HPSE2: variants seen among roughly 807,000 people sequenced by gnomAD.
The protein encoded by HPSE2 is inactive heparanase-2.
HPSE2 carries 38 observed loss-of-function variants against 60.5 expected under a neutral mutation model. The ratio of observed to expected loss-of-function variants is 0.63; its 90% CI spans 0.48 to 0.82. HPSE2 has a LOEUF of 0.82. HPSE2 is among the 40% of genes least tolerant of loss of function. HPSE2 has a pLI of 0.00. For missense variants in HPSE2, 713 were observed against 740.4 expected (o/e 0.96, Z 0.43); for synonymous variants, 295 against 293.2 (o/e 1.01, Z -0.06).
intron 9 of HPSE2, among the ~76,000 whole-genome samples, chr10:98,493,846 G>A (rs928042149): frequency 6.6e-6 from 1 of 152,100 alleles, no homozygotes; most frequent in Non-Finnish European, 1.5e-5. Context: ...CTATGTTACA[G>A]CTTTTTTGTA....
chr10:99,159,577 GT>G (rs1564855347), intron 2 of HPSE2, among the ~76,000 whole-genome samples: 2 of 152,102 alleles, frequency 1.3e-5, no homozygotes, highest in African/African-American at 4.8e-5. Context: ...ACTTCTGCAA[GT>G]TTTTGTAAGT....
At chr10:99,271,639 A>G in the HPSE2 span, among the ~76,000 whole-genome samples, 1 of 152,200 alleles carries the variant, frequency 6.6e-6, no homozygotes, top group Non-Finnish European at 1.5e-5. Flanking sequence ...GAACTAGAGA[A>G]AACAAACCTA....
At chr10:99,117,605 A>G (rs1460485115) in intron 3 of HPSE2, among the ~76,000 whole-genome samples, 3 of 152,096 alleles carry the variant, frequency 2.0e-5, no homozygotes, top group Admixed American at 6.5e-5. Context: ...CACATAAACT[A>G]GAAAATACAG....
chr10:99,174,662 G>GT (rs1471743201), intron 2 of HPSE2, among the ~76,000 whole-genome samples: 2 of 152,160 alleles, frequency 1.3e-5, no homozygotes, highest in Non-Finnish European at 2.9e-5. Context: ...AGGATGCATT[G>GT]TATCCACCTA....
the HPSE2 span, among the ~76,000 whole-genome samples, chr10:99,300,803 G>C: frequency 6.6e-6 from 1 of 152,146 alleles, no homozygotes; most frequent in Non-Finnish European, 1.5e-5. Context: ...CCCCAGTTGA[G>C]GTTGTTTTAA....
chr10:98,822,708 A>G (rs1951451950), intron 3 of HPSE2, among the ~76,000 whole-genome samples: 1 of 152,214 alleles, frequency 6.6e-6, no homozygotes, highest in South Asian at 2.1e-4. Context: ...CAAAAATGAT[A>G]AAAGTAACAA....
chr10:99,077,913 G>A (rs998835592), intron 3 of HPSE2, among the ~76,000 whole-genome samples: 1 of 152,128 alleles, frequency 6.6e-6, no homozygotes, highest in African/African-American at 2.4e-5. Context: ...TCATGGAGGT[G>A]GATCCCTCAC....
chr10:98,708,450 C>T lies in HPSE2; in HGVS notation c.956+13207G>A, dbSNP rs543934762. On this transcript the variant is annotated intron_variant, in intron 5 of 11. Coordinates refer to ENST00000370552, the MANE Select transcript of HPSE2 (RefSeq NM_021828.5). ...CAGCCTGGGCGACAGAGTGAGACTA[C>T]GTCTCAAAAAAAAAAAAAAAAATTC... Among the ~76,000 whole-genome samples the T allele has an allele frequency of 6.2e-4, 60 of 96,156 alleles. 2 individuals are homozygous for T. In the South Asian group the frequency reaches 0.027, roughly 43 times the overall value. The allele number at this position is 96,156 out of a possible 152,430, so 63.1% of individuals were successfully genotyped here. A position where few individuals can be genotyped will look rare whatever the true frequency, so the allele number is the denominator to read the frequency against.
intron 6 of HPSE2, among the ~76,000 whole-genome samples, chr10:98,662,140 G>A (rs1014691328): frequency 1.3e-5 from 2 of 152,106 alleles, no homozygotes; most frequent in Non-Finnish European, 2.9e-5. Flanking sequence ...TGATCTGCCC[G>A]CCTCGGCTTC....
chr10:98,503,281 G>T (rs993746366), intron 9 of HPSE2, among the ~76,000 whole-genome samples: 7 of 151,082 alleles, frequency 4.6e-5, no homozygotes, highest in Non-Finnish European at 7.4e-5. Context: ...CATAACTAAT[G>T]ATCAGGGAAA....
rs946454369 is a variant in HPSE2, at chr10:99,079,896, A to C, written c.610+64342T>G. Among the ~76,000 whole-genome samples the C allele has an allele frequency of 3.3e-5, 5 of 152,106 alleles. No individual in the cohort carries two copies. The East Asian group carries it at 7.7e-4, about 24-fold the overall frequency. On this transcript the variant is annotated intron_variant, in intron 3 of 11. Transcript: ENST00000370552. Reference sequence around the variant, plus strand: ...TATAGCAGTCTTCTCAGAAGTCCCCAAAAAAGTTGGAGTATTAGATACGTG... The same window carrying C: ...TATAGCAGTCTTCTCAGAAGTCCCCCAAAAAGTTGGAGTATTAGATACGTG...
At chr10:98,811,823 A>G (rs1951175009) in intron 3 of HPSE2, among the ~76,000 whole-genome samples, 1 of 152,106 alleles carries the variant, frequency 6.6e-6, no homozygotes. Flanking sequence ...AAATATCTCC[A>G]TTTATTCAGG....
intron 5 of HPSE2, among the ~76,000 whole-genome samples, chr10:98,715,042 A>G (rs1050898561): frequency 1.3e-5 from 2 of 151,788 alleles, no homozygotes; most frequent in Admixed American, 1.3e-4. Context: ...TTGTCTTTTC[A>G]TTGTTGAGTT....
rs746078995 is a variant in HPSE2 at position 99,050,116 on chromosome 10, T to C, written c.610+94122A>G. On this transcript the variant is annotated intron_variant, in intron 3 of 11. Transcript: ENST00000370552. The stretch of plus-strand genomic sequence containing the variant: ...AAATTTAAGACCAGCCTGAGCAACA[T>C]AGTGAGACCTCATCTCTACAAAAAA... Among the ~76,000 whole-genome samples the C allele has an allele frequency of 4.6e-5, 7 of 152,140 alleles. No homozygotes were observed. In the East Asian group the frequency reaches 5.8e-4, roughly 13 times the overall value.
At chr10:99,315,108 A>T in the HPSE2 span, among the ~76,000 whole-genome samples, 1 of 152,256 alleles carries the variant, frequency 6.6e-6, no homozygotes, top group East Asian at 1.9e-4. Flanking sequence ...GATATTTTTT[A>T]AAACTAGGGA....
intron 10 of HPSE2, among the ~76,000 whole-genome samples, chr10:98,484,129 A>G (rs913271749): frequency 2.0e-5 from 3 of 151,908 alleles, no homozygotes; most frequent in Non-Finnish European, 4.4e-5. Context: ...TTCATTTGCC[A>G]TTTCATTTCT....
chr10:99,213,934 GA>G lies in HPSE2; in HGVS notation c.448+18413del, dbSNP rs1849033129. ...AGTAAAAAGAATCCACAGAATGAGG[GA>G]AAAATTTTGTAAATCATATGTTTGA... On this transcript the variant is annotated intron_variant, in intron 2 of 11. Coordinates refer to ENST00000370552, the MANE Select transcript of HPSE2 (RefSeq NM_021828.5). Among the ~76,000 whole-genome samples the G allele has an allele frequency of 3.9e-5, 6 of 152,142 alleles. No individual in the cohort carries two copies. The South Asian group carries it at 1.2e-3, about 31-fold the overall frequency.
At chr10:98,870,042 T>A (rs1475956472) in intron 3 of HPSE2, among the ~76,000 whole-genome samples, 2 of 152,166 alleles carry the variant, frequency 1.3e-5, no homozygotes, top group African/African-American at 2.4e-5. Flanking sequence ...AAAAATATAG[T>A]GCTTGCAAAC....
intron 6 of HPSE2, among the ~76,000 whole-genome samples, chr10:98,683,665 T>G (rs1423836574): frequency 6.6e-6 from 1 of 151,598 alleles, no homozygotes; most frequent in East Asian, 1.9e-4. Flanking sequence ...GAAGAGAAAA[T>G]ATATAAAAAT....
Sources: gnomAD v4.1 joint callset for allele counts (sites outside exome capture counted in the v4.1 genomes callset) on GRCh38, gnomAD v4.1.1 for gene constraint, MANE v1.5 for transcripts, NCBI Gene and HGNC (gene_info 2026-07-23, HGNC 2026-07-21) for gene names.